MYT1L: variants seen among roughly 807,000 people sequenced by gnomAD.
MYT1L encodes myelin transcription factor 1 like.
Under a neutral mutation model 126.7 loss-of-function variants are expected in MYT1L, and 12 were observed. The observed-to-expected ratio is 0.09, with a 90% CI of 0.06 to 0.15. MYT1L has a LOEUF of 0.15. MYT1L is among the 10% of genes least tolerant of loss of function. The pLI is 1.00. For synonymous variants in MYT1L, 541 were observed against 604.2 expected (o/e 0.90, Z 1.53); for missense variants, 979 against 1,585.2 (o/e 0.62, Z 6.49).
At chr2:2,054,937 C>A (rs983029983) in intron 3 of MYT1L, among the ~76,000 whole-genome samples, 1 of 151,756 alleles carries the variant, frequency 6.6e-6, no homozygotes, top group Admixed American at 6.6e-5. Context: ...AGATGAGATA[C>A]ATGGAAATGA....
At chr2:2,319,804 C>T (rs535771440) in intron 1 of MYT1L, among the ~76,000 whole-genome samples, 2 of 151,916 alleles carry the variant, frequency 1.3e-5, no homozygotes, top group Non-Finnish European at 2.9e-5. Context: ...CAAGTACACA[C>T]ATTACCTGAC....
chr2:1,852,175 T>C lies in MYT1L; in HGVS notation c.2712-472A>G, dbSNP rs1333787780. Reference sequence around the variant, plus strand: ...CTGCAAAGGCACCCCTTCCACAGACTGGCCAGGGCTGCGGCCAGCCTGGGT... The same window carrying C: ...CTGCAAAGGCACCCCTTCCACAGACCGGCCAGGGCTGCGGCCAGCCTGGGT... On this transcript the variant is annotated intron_variant, in intron 18 of 24. Coordinates refer to ENST00000647738, the MANE Select transcript of MYT1L (RefSeq NM_001303052.2). This position sits in a 1 kb window ranked among gnomAD's most constrained non-coding sequence, Gnocchi z 4.0. Among the ~76,000 whole-genome samples, 1 of 152,154 alleles carries C rather than the reference T, an allele frequency of 6.6e-6. No homozygotes were observed.
chr2:1,818,933 G>T (rs1315927354), intron 21 of MYT1L, among the ~76,000 whole-genome samples: 1 of 152,228 alleles, frequency 6.6e-6, no homozygotes, highest in Non-Finnish European at 1.5e-5. Flanking sequence ...CTCGGCCACA[G>T]CCACACAGGC....
intron 4 of MYT1L, among the ~76,000 whole-genome samples, chr2:2,038,891 C>T (rs550293510): frequency 6.6e-6 from 1 of 152,300 alleles, no homozygotes; most frequent in South Asian, 2.1e-4. Context: ...TCAGGCATCA[C>T]TCTTTCCAGG....
chr2:2,302,483 C>T (rs1443476538), intron 1 of MYT1L, among the ~76,000 whole-genome samples: 2 of 152,182 alleles, frequency 1.3e-5, no homozygotes, highest in Non-Finnish European at 2.9e-5. Context: ...GGTTGCTATA[C>T]TTCTATTTTT....
At position 2,227,258 on chromosome 2, in the gene MYT1L, T is replaced by C. The variant is rs535686200; in HGVS notation, c.-420-54270A>G. Among the ~76,000 whole-genome samples, 18 of 152,306 alleles carry C rather than the reference T, an allele frequency of 1.2e-4. No homozygotes were observed. The South Asian group carries it at 3.5e-3, about 30-fold the overall frequency. ...TGGTCCCATGGGATTAAATATCATC[T>C]CTACATGGATGACTCCCAAAGCGTA... On this transcript the variant is annotated intron_variant, in intron 2 of 24. Coordinates refer to ENST00000647738, the MANE Select transcript of MYT1L (RefSeq NM_001303052.2).
chr2:1,987,041 A>G (rs1035464717), intron 5 of MYT1L, among the ~76,000 whole-genome samples: 4 of 152,240 alleles, frequency 2.6e-5, no homozygotes, highest in African/African-American at 9.6e-5. Flanking sequence ...GAGCATAAAA[A>G]TAAGAAAATA....
At chr2:1,995,663 C>T (rs779775966) in intron 5 of MYT1L, among the ~76,000 whole-genome samples, 7 of 152,118 alleles carry the variant, frequency 4.6e-5, no homozygotes, top group African/African-American at 1.4e-4. Flanking sequence ...GAGGCCCTCC[C>T]GTGTGGGTTC....
In MYT1L at chr2:1,929,383, C is replaced by A. The variant is rs2054649684; in HGVS notation, c.506-6120G>T. On this transcript the variant is annotated intron_variant, in intron 9 of 24. Transcript: ENST00000647738. This position sits in a 1 kb window ranked among gnomAD's most constrained non-coding sequence, Gnocchi z 4.7. ...TTCACTAGAAGACCCCTGAGGCGCC[C>A]TCTAACTCAGAGCCCTGCAGTTCAA... 6.6e-6 allele frequency among the ~76,000 whole-genome samples: 1 copy of A among 152,180 alleles called. No individual in the cohort carries two copies. Among genetic ancestry groups the A allele is most frequent in the Non-Finnish European group, 1.5e-5 (1 of 68,028 alleles).
intron 1 of MYT1L, among the ~76,000 whole-genome samples, chr2:2,289,918 C>T (rs2095574711): frequency 6.6e-6 from 1 of 152,324 alleles, no homozygotes; most frequent in South Asian, 2.1e-4. Flanking sequence ...GGCAGGTTCC[C>T]AGGAGGCAGA....
chr2:2,062,151 G>C (rs2070610400), intron 3 of MYT1L, among the ~76,000 whole-genome samples: 1 of 152,324 alleles, frequency 6.6e-6, no homozygotes, highest in Non-Finnish European at 1.5e-5. Flanking sequence ...GGCAATACAT[G>C]AGATTATTAG....
intron 8 of MYT1L, among the ~76,000 whole-genome samples, chr2:1,967,339 G>A (rs761131311): frequency 5.3e-5 from 8 of 152,166 alleles, no homozygotes; most frequent in East Asian, 1.9e-4. Context: ...GTGGGGTTGC[G>A]TCCCTGGGGC....
At chr2:2,134,112 G>A (rs1207735928) in intron 3 of MYT1L, among the ~76,000 whole-genome samples, 6 of 152,064 alleles carry the variant, frequency 3.9e-5, no homozygotes, top group African/African-American at 1.2e-4. Context: ...ATCTCTCCCC[G>A]AAAATCCATT....
intron 2 of MYT1L, among the ~76,000 whole-genome samples, chr2:2,282,468 T>A (rs1450941770): frequency 6.6e-6 from 1 of 152,232 alleles, no homozygotes; most frequent in Non-Finnish European, 1.5e-5. Context: ...AGCTGTGTTT[T>A]CAATAGCAGA....
chr2:2,189,921 C>T (rs535339356), intron 2 of MYT1L, among the ~76,000 whole-genome samples: 1 of 150,440 alleles, frequency 6.6e-6, no homozygotes, highest in Non-Finnish European at 1.5e-5. Flanking sequence ...GTTCTCAGGA[C>T]GCACGGGGAG....
chr2:1,886,554 C>A lies in MYT1L; in HGVS notation c.2696G>T (p.Ser899Ile). Reference protein sequence around the residue: ...DKSIRSMLATSSQELKCPTPG... With the variant: ...DKSIRSMLATISQELKCPTPG... ...TAAATCTTACTTGAGTTCTTGGGAG[C>A]TGGTGGCCAGCATACTTCGAATGCT... The change falls in exon 18 of 25, where the codon AGC becomes ATC. Residue 899 changes from serine to isoleucine, a missense_variant. This residue lies in a region of MYT1L where 179 missense variants were observed against 398.6 expected (regional missense o/e 0.45). Transcript: ENST00000647738. The A allele has an allele frequency of 1.9e-6, 3 of 1,577,864 alleles. No individual in the cohort carries two copies. The highest frequency in any genetic ancestry group is 2.6e-6 in the Non-Finnish European group (3 of 1,162,386).
intron 8 of MYT1L, among the ~76,000 whole-genome samples, chr2:1,962,531 A>G (rs1313965056): frequency 1.3e-5 from 2 of 152,214 alleles, no homozygotes; most frequent in Admixed American, 6.5e-5. Context: ...TCTTAAAATA[A>G]GACAAGGAAG....
At chr2:1,832,988 G>A (rs1035568258) in intron 21 of MYT1L, among the ~76,000 whole-genome samples, 2 of 152,198 alleles carry the variant, frequency 1.3e-5, no homozygotes, top group East Asian at 3.9e-4. Flanking sequence ...ATCGGTGCTG[G>A]TGGAGGCATG....
In MYT1L at chr2:2,224,315, G is replaced by A. The variant is rs780645222; in HGVS notation, c.-420-51327C>T. ...AACAGATGGCACCCAGAAAGGAGGC[G>A]TGGCGAGACCTTCCAGCAGACAGCA... On this transcript the variant is annotated intron_variant, in intron 2 of 24. Coordinates refer to ENST00000647738, the MANE Select transcript of MYT1L (RefSeq NM_001303052.2). The surrounding 1 kb of genome is among the most constrained non-coding windows in gnomAD (Gnocchi z 4.0). Among the ~76,000 whole-genome samples, 7 of 152,106 alleles carry A rather than the reference G, an allele frequency of 4.6e-5. No homozygotes were observed. The highest frequency in any genetic ancestry group is 2.1e-4 in the South Asian group (1 of 4,820).
Sources: gnomAD v4.1 joint callset for allele counts (sites outside exome capture counted in the v4.1 genomes callset) on GRCh38, gnomAD v4.1.1 for gene constraint, gnomAD v4.1.1 regional missense constraint, Gnocchi (gnomAD v3.1) non-coding constraint, MANE v1.5 for transcripts, NCBI Gene and HGNC (gene_info 2026-07-23, HGNC 2026-07-21) for gene names.